Variants in ANKS1B observed in about 807,000 individuals in gnomAD.
The protein encoded by ANKS1B is ankyrin repeat and sterile alpha motif domain-containing protein 1B.
A neutral mutation model predicts 148.3 loss-of-function variants in ANKS1B; 36 were observed. The ratio of observed to expected loss-of-function variants is 0.24; its 90% confidence interval spans 0.19 to 0.32. The LOEUF (loss-of-function observed/expected upper bound fraction) is 0.32, where lower values mean the gene tolerates loss of function less well. Ranked by LOEUF, ANKS1B falls within the 10% of genes least tolerant of loss-of-function variation. ANKS1B has a pLI of 1.00. For missense variants in ANKS1B, 1,157 were observed against 1,542.6 expected (o/e 0.75, Z 4.19); for synonymous variants, 542 against 560.8 (o/e 0.97, Z 0.47).
chr12:99,624,655 A>G (rs529633765), intron 9 of ANKS1B, among the ~76,000 whole-genome samples: 7 of 152,196 alleles, frequency 4.6e-5, no homozygotes, highest in African/African-American at 1.4e-4. Flanking sequence ...AAAATGCTCA[A>G]CATCACTAAT....
intron 11 of ANKS1B, among the ~76,000 whole-genome samples, chr12:99,412,509 T>C (rs2094745310): frequency 6.6e-6 from 1 of 152,206 alleles, no homozygotes. Context: ...AATCCACTCA[T>C]TGTTCCAGTG....
intron 8 of ANKS1B, among the ~76,000 whole-genome samples, chr12:99,693,874 G>A (rs1186401035): frequency 3.4e-5 from 5 of 148,544 alleles, no homozygotes; most frequent in Non-Finnish European, 5.9e-5. Context: ...TCTGCCTCCC[G>A]GGTTCACGCC....
At chr12:99,765,770 A>C (rs962745731) in intron 8 of ANKS1B, among the ~76,000 whole-genome samples, 4 of 152,224 alleles carry the variant, frequency 2.6e-5, no homozygotes, top group South Asian at 2.1e-4. Flanking sequence ...AAATTGGACA[A>C]AGTCTGTGAA....
In ANKS1B at chr12:99,793,554, C is replaced by A. The variant is rs376923556; in HGVS notation, c.670-11457G>T. Among the ~76,000 whole-genome samples the A allele has an allele frequency of 1.1e-4, 16 of 152,046 alleles. No individual in the cohort carries two copies. The South Asian group carries it at 2.3e-3, about 22-fold the overall frequency. On this transcript the variant is annotated intron_variant, in intron 4 of 26. Transcript: ENST00000683438. ...GTGAACTCATTTTCGACAAAAGAGCCAAGAACATACACTGGTGAAAAGACA... is the reference window on the plus strand; with the variant it reads ...GTGAACTCATTTTCGACAAAAGAGCAAAGAACATACACTGGTGAAAAGACA...
Position 98,745,223 on chromosome 12 carries a change from G to A in ANKS1B, c.*516C>T. On this transcript the variant is annotated 3_prime_UTR_variant, in exon 27 of 27. Transcript: ENST00000683438. ...ATCTCCTGGCAATCATATCACGGGAGTTGTTTTTGTCCTTTTGCATTAAAC... is the reference window on the plus strand; with the variant it reads ...ATCTCCTGGCAATCATATCACGGGAATTGTTTTTGTCCTTTTGCATTAAAC... 1.0e-6 allele frequency: 1 copy of A among 985,720 alleles called. No homozygotes were observed. Among genetic ancestry groups the A allele is most frequent in the Non-Finnish European group, 1.2e-6 (1 of 829,916 alleles). 61.1% of individuals were successfully genotyped at this position (985,720 alleles called of 1,614,324 possible). A position where few individuals can be genotyped will look rare whatever the true frequency, so the allele number is the denominator to read the frequency against.
intron 9 of ANKS1B, among the ~76,000 whole-genome samples, chr12:99,596,449 C>T (rs186588202): frequency 1.6e-4 from 25 of 152,002 alleles, no homozygotes; most frequent in African/African-American, 6.0e-4. Context: ...AGAACCCATC[C>T]TACTCTAGTA....
At chr12:99,280,751 C>T (rs77488739) in intron 12 of ANKS1B, among the ~76,000 whole-genome samples, 1 of 152,250 alleles carries the variant, frequency 6.6e-6, no homozygotes, top group East Asian at 1.9e-4. Flanking sequence ...TGGATGGCAA[C>T]ATCAGCTCTC....
chr12:99,217,975 A>G (rs1382457733), intron 14 of ANKS1B, among the ~76,000 whole-genome samples: 2 of 152,184 alleles, frequency 1.3e-5, no homozygotes, highest in South Asian at 2.1e-4. Context: ...CTATCTTCTA[A>G]GCCCAATGTT....
intron 17 of ANKS1B, among the ~76,000 whole-genome samples, chr12:99,021,625 T>C (rs553369067): frequency 6.6e-6 from 1 of 152,146 alleles, no homozygotes; most frequent in Admixed American, 6.6e-5. Context: ...GAAAGAACTT[T>C]GAAATGAGGA....
At chr12:99,192,958 C>G (rs2080930159) in intron 14 of ANKS1B, among the ~76,000 whole-genome samples, 1 of 152,050 alleles carries the variant, frequency 6.6e-6, no homozygotes, top group African/African-American at 2.4e-5. Flanking sequence ...AAGCTAAAAT[C>G]TTTTAATACC....
rs886170890 is a variant in ANKS1B, at chr12:99,692,743, C to G, written c.1129-37533G>C. On this transcript the variant is annotated intron_variant, in intron 8 of 26. Transcript: ENST00000683438. ...TAAGTTTTTGACTTGACGAACTAAG[C>G]TGATGGTGGGTTGTCGTTTATTAAG... Among the ~76,000 whole-genome samples the G allele has an allele frequency of 4.6e-5, 7 of 151,176 alleles. No individual in the cohort carries two copies. In the South Asian group the frequency reaches 1.5e-3, roughly 32 times the overall value.
chr12:98,838,197 GCTC>G (rs2099386136), intron 17 of ANKS1B, among the ~76,000 whole-genome samples: 3 of 152,110 alleles, frequency 2.0e-5, no homozygotes, highest in African/African-American at 7.2e-5. Flanking sequence ...TTTGGTTTGT[GCTC>G]CTTTCTGGAT....
intron 1 of ANKS1B, among the ~76,000 whole-genome samples, chr12:99,924,594 G>A (rs1290391718): frequency 6.6e-6 from 1 of 152,040 alleles, no homozygotes; most frequent in Non-Finnish European, 1.5e-5. Context: ...TTAAGAGGTG[G>A]AACCTTTTGG....
In ANKS1B at chr12:98,743,985, TTC is replaced by T. The variant is rs1416073290; in HGVS notation, c.*1752_*1753del. ...ATGCCAAGCACCACTGCTGTACAAC[TTC>T]TGTTTTATTTTTGTGTGCTTTTTTT... is the stretch of plus-strand genomic sequence containing the variant. On this transcript the variant is annotated 3_prime_UTR_variant, in exon 27 of 27. Transcript: ENST00000683438. The T allele has an allele frequency of 1.0e-6, 1 of 982,840 alleles. No individual in the cohort carries two copies. Among genetic ancestry groups the T allele is most frequent in the African/African-American group, 1.7e-5 (1 of 57,184 alleles). The allele number at this position is 982,840 out of a possible 1,614,324, so 60.9% of individuals were successfully genotyped here.
rs760661531 is a variant in ANKS1B at position 99,246,585 on chromosome 12, T to C, written c.2036A>G (p.Asn679Ser). ...VSRTIFHKKS[N>S]QLENHTIVGT... ...AACAATGGTATGGTTTTCGAGTTGG[T>C]TGCTTTTTTTGTGAAAAATTGTTCT... is the stretch of plus-strand genomic sequence containing the variant. Residue 679 changes from asparagine to serine, a missense_variant, in exon 13 of 27, where the codon AAC (asparagine) becomes AGC (serine). This residue lies in a region of ANKS1B where 661 missense variants were observed against 642.1 expected (regional missense o/e 1.03). Transcript: ENST00000683438. 11 of 1,613,534 alleles carry C rather than the reference T, an allele frequency of 6.8e-6. No homozygotes were observed. Among genetic ancestry groups the C allele is most frequent in the Non-Finnish European group, 9.3e-6 (11 of 1,179,734 alleles).
At chr12:99,797,580 A>G (rs1044088710) in intron 4 of ANKS1B, among the ~76,000 whole-genome samples, 2 of 151,878 alleles carry the variant, frequency 1.3e-5, no homozygotes, top group Admixed American at 1.3e-4. Flanking sequence ...ATCGATAATC[A>G]TGCAGTTTAT....
At chr12:99,848,490 T>C (rs1170128775) in intron 1 of ANKS1B, among the ~76,000 whole-genome samples, 1 of 152,078 alleles carries the variant, frequency 6.6e-6, no homozygotes, top group Non-Finnish European at 1.5e-5. Flanking sequence ...ATCACGATAA[T>C]GTAAAAGAAC....
chr12:99,142,094 G>A (rs2071050002), intron 15 of ANKS1B, among the ~76,000 whole-genome samples: 1 of 152,022 alleles, frequency 6.6e-6, no homozygotes. Flanking sequence ...AGAGTGAGAA[G>A]AGAAGAGACT....
At position 98,845,611 on chromosome 12, in the gene ANKS1B, T is replaced by A. The variant is rs371770791; in HGVS notation, c.2779-13475A>T. 1.1e-4 allele frequency among the ~76,000 whole-genome samples: 17 copies of A among 152,314 alleles called. No homozygotes were observed. In the East Asian group the frequency reaches 2.5e-3, roughly 22 times the overall value. ...ATTTTTATTCTCTCATTCACCATTA[T>A]TTCCAAATCCTTAATGCCAGAAGAG... On this transcript the variant is annotated intron_variant, in intron 17 of 26. Coordinates refer to ENST00000683438, the MANE Select transcript of ANKS1B (RefSeq NM_001352186.2).
Sources: gnomAD v4.1 joint callset for allele counts (sites outside exome capture counted in the v4.1 genomes callset) on GRCh38, gnomAD v4.1.1 for gene constraint, gnomAD v4.1.1 regional missense constraint, MANE v1.5 for transcripts, NCBI Gene and HGNC (gene_info 2026-07-23, HGNC 2026-07-21) for gene names.